The following TRAPPC9 variants were observed in gnomAD, a reference collection of about 807,000 sequenced individuals.
TRAPPC9 encodes IKK2 binding protein.
Under a neutral mutation model 124.0 loss-of-function variants are expected in TRAPPC9, and 83 were observed. The ratio of observed to expected loss-of-function variants is 0.67; its 90% CI spans 0.56 to 0.80. The LOEUF is 0.80. Among genes scored for constraint, TRAPPC9 ranks in the 30% least tolerant of loss-of-function variants. TRAPPC9 has a pLI of 0.00. For synonymous variants in TRAPPC9, 638 were observed against 617.5 expected (o/e 1.03, Z -0.49); for missense variants, 1,302 against 1,508.3 (o/e 0.86, Z 2.27).
At chr8:140,042,915 G>A (rs1841360566) in intron 17 of TRAPPC9, among the ~76,000 whole-genome samples, 1 of 152,238 alleles carries the variant, frequency 6.6e-6, no homozygotes, top group African/African-American at 2.4e-5. Flanking sequence ...GCTCTGGGCA[G>A]CCCTAGGTGA....
chr8:139,946,717 ACG>A (rs1834245022), intron 19 of TRAPPC9, among the ~76,000 whole-genome samples: 1 of 151,154 alleles, frequency 6.6e-6, no homozygotes, highest in Admixed American at 6.6e-5. Flanking sequence ...GCAGTGGCTC[ACG>A]CCTGAAATCC....
At chr8:139,828,325 T>A (rs572492999) in intron 21 of TRAPPC9, among the ~76,000 whole-genome samples, 2 of 152,294 alleles carry the variant, frequency 1.3e-5, no homozygotes, top group South Asian at 4.1e-4. Context: ...TCTGCAAGGG[T>A]GGCTGCTTTC....
intron 17 of TRAPPC9, among the ~76,000 whole-genome samples, chr8:140,181,624 G>A (rs919635308): frequency 6.6e-6 from 1 of 152,080 alleles, no homozygotes; most frequent in Admixed American, 6.5e-5. Flanking sequence ...GAATCTCCAT[G>A]AGGTTCTTTT....
intron 8 of TRAPPC9, among the ~76,000 whole-genome samples, chr8:140,367,963 G>A (rs1216816881): frequency 1.3e-5 from 2 of 152,176 alleles, no homozygotes; most frequent in African/African-American, 2.4e-5. Flanking sequence ...AAAGAAATTA[G>A]AGAAAGGAAG....
intron 18 of TRAPPC9, among the ~76,000 whole-genome samples, chr8:139,999,417 TAG>T (rs751309600): frequency 4.6e-5 from 7 of 152,018 alleles, no homozygotes; most frequent in Non-Finnish European, 1.0e-4. Context: ...AACCTAACTA[TAG>T]AGTTTCAAAA....
chr8:140,018,674 A>G (rs1322193156), intron 18 of TRAPPC9, among the ~76,000 whole-genome samples: 1 of 152,180 alleles, frequency 6.6e-6, no homozygotes, highest in African/African-American at 2.4e-5. Flanking sequence ...ATCTTGCTAA[A>G]TTGACTTATT....
At chr8:139,942,483 G>A (rs1014601991) in intron 19 of TRAPPC9, among the ~76,000 whole-genome samples, 16 of 152,102 alleles carry the variant, frequency 1.1e-4, no homozygotes, top group African/African-American at 2.4e-4. Flanking sequence ...GAGAAAAACC[G>A]TCATCCCCAG....
At chr8:140,064,654 A>G (rs1180621032) in intron 17 of TRAPPC9, among the ~76,000 whole-genome samples, 2 of 152,228 alleles carry the variant, frequency 1.3e-5, no homozygotes, top group African/African-American at 4.8e-5. Context: ...AGCGGCAGGA[A>G]GCTGTGAAGA....
chr8:139,952,301 A>T (rs930646144), intron 19 of TRAPPC9, among the ~76,000 whole-genome samples: 1 of 152,220 alleles, frequency 6.6e-6, no homozygotes, highest in African/African-American at 2.4e-5. Flanking sequence ...AGAGGAAATC[A>T]TTTTATTATT....
At position 139,784,984 on chromosome 8, in the gene TRAPPC9, A is replaced by G. The variant is rs376624867; in HGVS notation, c.3056-52782T>C. On this transcript the variant is annotated intron_variant, in intron 21 of 22. Transcript: ENST00000438773. ...GATGAGAAGATTCATATGGAAATAC[A>G]AAAGACCTAGAATGGCCAAAATATT... 2.0e-5 allele frequency among the ~76,000 whole-genome samples: 3 copies of G among 152,332 alleles called. No individual in the cohort carries two copies. The East Asian group carries it at 5.8e-4, about 29-fold the overall frequency.
intron 7 of TRAPPC9, among the ~76,000 whole-genome samples, chr8:140,384,014 T>C (rs1371330066): frequency 6.6e-6 from 1 of 152,130 alleles, no homozygotes; most frequent in African/African-American, 2.4e-5. Flanking sequence ...ATATTCAACA[T>C]GCTTAAAGAA....
At chr8:140,077,495 T>C (rs975945002) in intron 17 of TRAPPC9, among the ~76,000 whole-genome samples, 1 of 152,160 alleles carries the variant, frequency 6.6e-6, no homozygotes, top group Non-Finnish European at 1.5e-5. Flanking sequence ...CTCTAAGAGC[T>C]GACCCCAGAG....
At chr8:140,254,358 T>A (rs971226480) in intron 15 of TRAPPC9, among the ~76,000 whole-genome samples, 3 of 152,268 alleles carry the variant, frequency 2.0e-5, no homozygotes, top group Non-Finnish European at 4.4e-5. Context: ...TCCCTCTCCA[T>A]ACCCCAAAGC....
intron 19 of TRAPPC9, among the ~76,000 whole-genome samples, chr8:139,958,927 A>ATAGGGGAG (rs1835178926): frequency 6.7e-6 from 1 of 148,992 alleles, no homozygotes; most frequent in Non-Finnish European, 1.5e-5. Flanking sequence ...TCCGAGTCAC[A>ATAGGGGAG]CGGGGGAGCA....
At chr8:140,456,350 T>C (rs1460954211) in intron 1 of TRAPPC9, among the ~76,000 whole-genome samples, 1 of 147,830 alleles carries the variant, frequency 6.8e-6, no homozygotes, top group Non-Finnish European at 1.5e-5. Context: ...AGGCGGAGGG[T>C]GCAGTGAGCC....
intron 17 of TRAPPC9, among the ~76,000 whole-genome samples, chr8:140,033,669 T>TTTTTTTTTG (rs1840666181): frequency 5.5e-5 from 4 of 73,274 alleles, no homozygotes; most frequent in Admixed American, 1.3e-4. Flanking sequence ...TTTTTTTTTT[T>TTTTTTTTTG]TTTTTTTTTT....
chr8:139,754,380 A>G (rs1819557231), intron 21 of TRAPPC9, among the ~76,000 whole-genome samples: 1 of 152,192 alleles, frequency 6.6e-6, no homozygotes, highest in Non-Finnish European at 1.5e-5. Context: ...AGCTGGTCTG[A>G]AAAGGTGCCC....
chr8:139,931,199 A>C (rs1833121031), intron 19 of TRAPPC9: 1 of 152,234 alleles, frequency 6.6e-6, no homozygotes, highest in Non-Finnish European at 1.5e-5. Context: ...AAAAATGAGA[A>C]TATTAACCAT....
At chr8:139,977,170 C>T (rs916446231) in intron 19 of TRAPPC9, among the ~76,000 whole-genome samples, 71 of 152,000 alleles carry the variant, frequency 4.7e-4, no homozygotes, top group African/African-American at 1.7e-3. Context: ...TTTCTGGGGA[C>T]GAGAGGGCTT....
Sources: gnomAD v4.1 joint callset for allele counts (sites outside exome capture counted in the v4.1 genomes callset) on GRCh38, gnomAD v4.1.1 for gene constraint, MANE v1.5 for transcripts, NCBI Gene and HGNC (gene_info 2026-07-23, HGNC 2026-07-21) for gene names.